Variants in CD59 observed in about 807,000 individuals in gnomAD.
The protein encoded by CD59 is CD59 glycoprotein.
In CD59, 3 loss-of-function variants were observed where a neutral mutation model predicts 7.0. The ratio of observed to expected loss-of-function variants is 0.43; its 90% CI spans 0.19 to 1.10. CD59 has a LOEUF of 1.10. Among genes scored for constraint, CD59 ranks in the 50% least tolerant of loss-of-function variants. The pLI is 0.29. For synonymous variants in CD59, 60 were observed against 62.0 expected, an observed-to-expected ratio of 0.97 and a Z score of 0.15; for missense variants, 143 against 151.0, an observed-to-expected ratio of 0.95 and a Z score of 0.28.
chr11:33,710,530 A>G (rs1373301586), intron 3 of CD59, among the ~76,000 whole-genome samples, 187 bp from the exon 4 acceptor site: 1 of 152,206 alleles, frequency 6.6e-6, no homozygotes, highest in Non-Finnish European at 1.5e-5. Context: ...TAGAGCTTTT[A>G]CAGAAAACCA....
Position 33,703,436 on chromosome 11 carries a change from C to T in CD59, c.*6690G>A, listed in dbSNP as rs1423839906. The stretch of plus-strand genomic sequence containing the variant: ...GCAGAACCTTTCCCTCCCTGGGCTC[C>T]AAAGCACTATGTCACCTACCTCTCC... On this transcript the variant is annotated 3_prime_UTR_variant, in exon 4 of 4. Transcript: ENST00000642928. 6.6e-6 allele frequency: 1 copy of T among 152,212 alleles called. No homozygotes were observed. Among genetic ancestry groups the T allele is most frequent in the African/African-American group, 2.4e-5 (1 of 41,458 alleles). The allele number at this position is 152,212 out of a possible 1,614,324, so 9.4% of individuals were successfully genotyped here.
chr11:33,722,944 A>C, intron 1 of CD59: 1 of 1,080,790 alleles, frequency 9.3e-7, no homozygotes, highest in South Asian at 2.9e-5. Flanking sequence ...TCACTGTAAG[A>C]AGTATAATGG....
rs764547290 is a variant in CD59 at position 33,710,133 on chromosome 11, T to G, written c.380A>C (p.His127Pro). ...TPFLAAAWSL[H>P]P ...AGCTCTCCTGGTGTTGACTTAGGGA[T>G]GAAGGCTCCAGGCTGCTGCCAGAAA... Residue 127 changes from histidine to proline, a missense_variant, in exon 4 of 4, where the codon CAT (histidine) becomes CCT (proline). By Grantham distance (77) the His-to-Pro change is moderately conservative (BLOSUM62 -2). Coordinates refer to ENST00000642928, the MANE Select transcript of CD59 (RefSeq NM_000611.6). 8 of 1,612,200 alleles carry G rather than the reference T, an allele frequency of 5.0e-6. No homozygotes were observed. Among genetic ancestry groups the G allele is most frequent in the African/African-American group, 1.3e-5 (1 of 74,908 alleles).
chr11:33,717,341 T>C, intron 3 of CD59, 29 bp downstream of exon 3: 2 of 1,445,060 alleles, frequency 1.4e-6, no homozygotes, highest in Non-Finnish European at 1.9e-6. Context: ...CCCCATTACA[T>C]TTAGGAGACA....
chr11:33,720,964 A>G lies in CD59; in HGVS notation c.67+1415T>C, dbSNP rs16924660. Among the ~76,000 whole-genome samples, 250 of 152,334 alleles carry G rather than the reference A, an allele frequency of 1.6e-3. 9 individuals carry two copies. The South Asian group carries it at 0.036, about 22-fold the overall frequency. On this transcript the variant is annotated intron_variant, in intron 2 of 3. Transcript: ENST00000642928. ...CTGAGAAAGGGCTGAAGTGCACCCCAAGACTTGTCACAGAGAAGCTGATGG... is the reference window on the plus strand; with the variant it reads ...CTGAGAAAGGGCTGAAGTGCACCCCGAGACTTGTCACAGAGAAGCTGATGG...
chr11:33,732,177 G>C (rs1854437831), intron 1 of CD59, among the ~76,000 whole-genome samples: 1 of 147,960 alleles, frequency 6.8e-6, no homozygotes, highest in East Asian at 2.0e-4. Context: ...CCCAGTCTTC[G>C]GTATGTCTTT....
chr11:33,732,081 TGC>T (rs1246771057), intron 1 of CD59, among the ~76,000 whole-genome samples: 1 of 152,216 alleles, frequency 6.6e-6, no homozygotes, highest in East Asian at 1.9e-4. Flanking sequence ...CAGTAAGACG[TGC>T]CTTTCACCCT....
intron 1 of CD59, among the ~76,000 whole-genome samples, chr11:33,732,601 T>G (rs1854452273): frequency 6.6e-6 from 1 of 152,218 alleles, no homozygotes; most frequent in South Asian, 2.1e-4. Context: ...CTGTGTTAAC[T>G]TCCATTTGGT....
intron 1 of CD59, among the ~76,000 whole-genome samples, chr11:33,724,565 C>T (rs1244704381): frequency 6.6e-6 from 1 of 152,170 alleles, no homozygotes; most frequent in African/African-American, 2.4e-5. Flanking sequence ...ACTGTTAGTG[C>T]TACTCAGGAG....
At chr11:33,713,822 T>C (rs1241584605) in intron 3 of CD59, among the ~76,000 whole-genome samples, 2 of 152,196 alleles carry the variant, frequency 1.3e-5, no homozygotes, top group Non-Finnish European at 2.9e-5. Context: ...ATGGTAATAA[T>C]CTCACCAAAG....
At chr11:33,715,438 A>T (rs1443698470) in intron 3 of CD59, among the ~76,000 whole-genome samples, 1 of 152,090 alleles carries the variant, frequency 6.6e-6, no homozygotes, top group Non-Finnish European at 1.5e-5. Flanking sequence ...CGTCTCTACT[A>T]AAAATACAAA....
At chr11:33,717,839 A>C in intron 2 of CD59, 1 of 313,704 alleles carries the variant, frequency 3.2e-6, no homozygotes, top group Non-Finnish European at 6.2e-6. Context: ...TGCCCAATTA[A>C]ATCACATCCT....
intron 1 of CD59, among the ~76,000 whole-genome samples, chr11:33,731,154 G>A (rs561649107): frequency 6.6e-6 from 1 of 152,090 alleles, no homozygotes; most frequent in Admixed American, 6.5e-5. Context: ...AGTTTTGGGG[G>A]AGTCAAAAGT....
rs1330411945 is a variant in CD59 at position 33,709,093 on chromosome 11, C to T, written c.*1033G>A. ...TTTTTAGAAGAGCTTCTGAAAGCCTCAAACATCTGTGAGTGTGCTAAGAGC... is the reference window on the plus strand; with the variant it reads ...TTTTTAGAAGAGCTTCTGAAAGCCTTAAACATCTGTGAGTGTGCTAAGAGC... On this transcript the variant is annotated 3_prime_UTR_variant, in exon 4 of 4. Coordinates refer to ENST00000642928, the MANE Select transcript of CD59 (RefSeq NM_000611.6). The T allele has an allele frequency of 6.6e-6, 1 of 152,212 alleles. No individual in the cohort carries two copies. Among genetic ancestry groups the T allele is most frequent in the Non-Finnish European group, 1.5e-5 (1 of 68,030 alleles). 9.4% of individuals were successfully genotyped at this position (152,212 alleles called of 1,614,324 possible).
At chr11:33,723,240 G>C (rs1403546199) in intron 1 of CD59, among the ~76,000 whole-genome samples, 3 of 152,086 alleles carry the variant, frequency 2.0e-5, no homozygotes, top group Non-Finnish European at 2.9e-5. Context: ...TGTAAACCAG[G>C]GTACTCCATA....
rs1031577710 is a variant in CD59, at chr11:33,708,621, A to G, written c.*1505T>C. 2 of 150,758 alleles carry G rather than the reference A, an allele frequency of 1.3e-5. No homozygotes were observed. Among genetic ancestry groups the G allele is most frequent in the African/African-American group, 4.9e-5 (2 of 40,934 alleles). The allele number at this position is 150,758 out of a possible 1,614,324, so 9.3% of individuals were successfully genotyped here. Reference sequence around the variant, plus strand: ...AGGCCAAAAAAAAAAAAAAAAACCTATTGATGTAAGGAAAGACACTGAGCT... The same window carrying G: ...AGGCCAAAAAAAAAAAAAAAAACCTGTTGATGTAAGGAAAGACACTGAGCT... On this transcript the variant is annotated 3_prime_UTR_variant, in exon 4 of 4. Transcript: ENST00000642928.
intron 1 of CD59, among the ~76,000 whole-genome samples, chr11:33,723,725 C>T (rs1445287354): frequency 6.6e-6 from 1 of 152,148 alleles, no homozygotes; most frequent in African/African-American, 2.4e-5. Context: ...CAGCGGCTTG[C>T]TTGGTTCCCC....
intron 3 of CD59, among the ~76,000 whole-genome samples, chr11:33,710,563 G>A (rs1166603653): frequency 6.6e-6 from 1 of 152,182 alleles, no homozygotes; most frequent in African/African-American, 2.4e-5. Flanking sequence ...AGCCAGTATA[G>A]TTATGGGGGT....
At chr11:33,722,590 T>C in intron 1 of CD59, 127 bp from the exon 2 acceptor site, 1 of 1,523,822 alleles carries the variant, frequency 6.6e-7, no homozygotes, top group Non-Finnish European at 8.8e-7. Context: ...CAAGGCACAC[T>C]GAATCCCTGG....
Sources: gnomAD v4.1 joint callset for allele counts (sites outside exome capture counted in the v4.1 genomes callset) on GRCh38, gnomAD v4.1.1 for gene constraint, MANE v1.5 for transcripts, NCBI Gene and HGNC (gene_info 2026-07-23, HGNC 2026-07-21) for gene names.